MTMR7: variants seen among roughly 807,000 people sequenced by gnomAD.
MTMR7 encodes phosphatidylinositol-3-phosphate phosphatase MTMR7.
A neutral mutation model predicts 81.2 loss-of-function variants in MTMR7; 76 were observed. The observed-to-expected ratio is 0.94, with a 90% CI of 0.78 to 1.13. MTMR7 has a LOEUF of 1.13. MTMR7 is among the 50% of genes most tolerant of loss of function. The pLI is 0.00. For synonymous variants in MTMR7, 372 were observed against 289.8 expected, an observed-to-expected ratio of 1.28 and a Z score of -2.88; for missense variants, 1,044 against 820.0, an observed-to-expected ratio of 1.27 and a Z score of -3.34.
chr8:17,364,176 C>T (rs1256308725), intron 3 of MTMR7, among the ~76,000 whole-genome samples: 1 of 151,674 alleles, frequency 6.6e-6, no homozygotes, highest in Non-Finnish European at 1.5e-5. Context: ...ACTACAGGAG[C>T]CCGCCACCAC....
chr8:17,403,271 G>C (rs895985132), intron 1 of MTMR7, among the ~76,000 whole-genome samples: 2 of 152,060 alleles, frequency 1.3e-5, no homozygotes, highest in African/African-American at 4.8e-5. Context: ...AGATATATGG[G>C]TCTAGTTTCA....
intron 5 of MTMR7, among the ~76,000 whole-genome samples, chr8:17,341,776 ATAAT>A (rs763902778): frequency 1.1e-4 from 17 of 152,240 alleles, no homozygotes; most frequent in Non-Finnish European, 2.4e-4. Context: ...AACCATTTAA[ATAAT>A]CTACTTTCCT....
intron 10 of MTMR7, 23 bp from the exon 11 acceptor site, chr8:17,305,980 CT>C: frequency 6.4e-7 from 1 of 1,554,554 alleles, no homozygotes; most frequent in Non-Finnish European, 8.8e-7. Flanking sequence ...GCATTAGAGA[CT>C]TTTTAAGGCA....
chr8:17,341,285 T>G, intron 6 of MTMR7, 78 bp downstream of exon 6: 1 of 1,569,976 alleles, frequency 6.4e-7, no homozygotes, highest in Non-Finnish European at 8.7e-7. Flanking sequence ...GCACAAGAGA[T>G]GGCAGTCGGC....
intron 5 of MTMR7, among the ~76,000 whole-genome samples, chr8:17,343,449 T>C (rs999436370): frequency 6.6e-5 from 10 of 151,530 alleles, no homozygotes; most frequent in African/African-American, 2.4e-4. Context: ...GAAATATTAG[T>C]TAAGGACAGC....
chr8:17,382,002 G>A (rs891328430), intron 1 of MTMR7, among the ~76,000 whole-genome samples: 2 of 152,158 alleles, frequency 1.3e-5, no homozygotes, highest in East Asian at 1.9e-4. Context: ...CTAGCAGACT[G>A]CAGCTGTGAC....
At chr8:17,357,062 A>C (rs1286632342) in intron 4 of MTMR7, among the ~76,000 whole-genome samples, 1 of 152,136 alleles carries the variant, frequency 6.6e-6, no homozygotes, top group Non-Finnish European at 1.5e-5. Context: ...CACAACCAAC[A>C]AAAGAAAAAA....
chr8:17,396,275 C>T (rs1222500136), intron 1 of MTMR7, among the ~76,000 whole-genome samples: 1 of 152,126 alleles, frequency 6.6e-6, no homozygotes, highest in Non-Finnish European at 1.5e-5. Flanking sequence ...ATCAGGTGAG[C>T]TATTAAAGTA....
intron 6 of MTMR7, among the ~76,000 whole-genome samples, chr8:17,334,495 A>T (rs1200031967): frequency 6.6e-6 from 1 of 152,252 alleles, no homozygotes; most frequent in Non-Finnish European, 1.5e-5. Flanking sequence ...TTCATGTTTA[A>T]GAAACACACA....
At chr8:17,337,042 CT>C (rs978692493) in intron 6 of MTMR7, among the ~76,000 whole-genome samples, 1 of 152,124 alleles carries the variant, frequency 6.6e-6, no homozygotes, top group Non-Finnish European at 1.5e-5. Flanking sequence ...AAACAAAACC[CT>C]CCTAACTTGC....
intron 1 of MTMR7, among the ~76,000 whole-genome samples, chr8:17,404,054 C>A (rs184882361): frequency 1.3e-5 from 2 of 152,232 alleles, no homozygotes; most frequent in Admixed American, 1.3e-4. Context: ...AGTTTAGATG[C>A]TTTCTGTGTG....
At chr8:17,345,284 C>G (rs541255421) in intron 5 of MTMR7, among the ~76,000 whole-genome samples, 100 of 152,340 alleles carry the variant, frequency 6.6e-4, no homozygotes, top group African/African-American at 2.4e-3. Flanking sequence ...TCCAACAGAC[C>G]AGGTGCAGTT....
intron 1 of MTMR7, among the ~76,000 whole-genome samples, chr8:17,384,365 C>G (rs1820862706): frequency 6.6e-6 from 1 of 152,080 alleles, no homozygotes; most frequent in African/African-American, 2.4e-5. Context: ...CAGACATGAT[C>G]GTGCCACTGC....
intron 1 of MTMR7, among the ~76,000 whole-genome samples, chr8:17,397,194 G>A (rs1821280510): frequency 1.3e-5 from 2 of 151,946 alleles, no homozygotes; most frequent in African/African-American, 2.4e-5. Flanking sequence ...AAAACAGAGG[G>A]AAAAGTTAAG....
intron 1 of MTMR7, among the ~76,000 whole-genome samples, chr8:17,381,109 T>A (rs1300743813): frequency 6.6e-6 from 1 of 152,222 alleles, no homozygotes; most frequent in Non-Finnish European, 1.5e-5. Flanking sequence ...AGCATCTTTG[T>A]CTATCTTCAA....
At chr8:17,355,159 C>T (rs59611507) in intron 4 of MTMR7, among the ~76,000 whole-genome samples, 5,672 of 152,198 alleles carry the variant, frequency 0.037, 376 homozygotes, top group African/African-American at 0.13. Flanking sequence ...AGATGTGGTT[C>T]AGTCTCATTT....
intron 3 of MTMR7, among the ~76,000 whole-genome samples, chr8:17,368,988 C>G (rs1820322821): frequency 6.6e-6 from 1 of 152,200 alleles, no homozygotes; most frequent in Non-Finnish European, 1.5e-5. Flanking sequence ...GGCGAGAGTC[C>G]TGGCACTCGC....
At chr8:17,407,940 A>G (rs549605581) in intron 1 of MTMR7, among the ~76,000 whole-genome samples, 11 of 152,344 alleles carry the variant, frequency 7.2e-5, no homozygotes, top group East Asian at 1.9e-4. Flanking sequence ...TATCACAGAC[A>G]GAACTTGAAA....
chr8:17,330,718 A>C (rs1444569319), intron 7 of MTMR7, among the ~76,000 whole-genome samples: 1 of 152,176 alleles, frequency 6.6e-6, no homozygotes, highest in African/African-American at 2.4e-5. Flanking sequence ...TTTAGAAATG[A>C]GGGTCAGCTC....
Sources: gnomAD v4.1 joint callset for allele counts (sites outside exome capture counted in the v4.1 genomes callset) on GRCh38, gnomAD v4.1.1 for gene constraint, MANE v1.5 for transcripts, NCBI Gene and HGNC (gene_info 2026-07-23, HGNC 2026-07-21) for gene names.